KCND2: variants seen among roughly 807,000 people sequenced by gnomAD.
KCND2 encodes A-type voltage-gated potassium channel KCND2.
A neutral mutation model predicts 54.4 loss-of-function variants in KCND2; 16 were observed. The observed-to-expected ratio is 0.29, with a 90% CI of 0.20 to 0.45. KCND2 has a LOEUF of 0.45. Ranked by LOEUF, KCND2 falls within the 20% of genes least tolerant of loss-of-function variation. KCND2 has a pLI of 1.00. For missense variants in KCND2, 486 were observed against 824.2 expected (o/e 0.59, Z 5.02); for synonymous variants, 317 against 310.7 (o/e 1.02, Z -0.21).
chr7:120,449,058 G>A (rs1018137626), intron 1 of KCND2, among the ~76,000 whole-genome samples: 2 of 152,016 alleles, frequency 1.3e-5, no homozygotes, highest in South Asian at 2.1e-4. Flanking sequence ...AGCCAGGCGC[G>A]GTGGCTCATG....
chr7:120,324,798 C>T (rs1446625370), intron 1 of KCND2, among the ~76,000 whole-genome samples: 1 of 151,562 alleles, frequency 6.6e-6, no homozygotes, highest in African/African-American at 2.4e-5. Context: ...TTTTTGGTTC[C>T]ATATGAACTT....
At chr7:120,363,529 T>C (rs1800625550) in intron 1 of KCND2, among the ~76,000 whole-genome samples, 1 of 152,098 alleles carries the variant, frequency 6.6e-6, no homozygotes, top group African/African-American at 2.4e-5. Context: ...TCAAATGATG[T>C]ATCCAGAGAG....
At chr7:120,468,990 A>G (rs112872145) in intron 1 of KCND2, among the ~76,000 whole-genome samples, 114 of 150,794 alleles carry the variant, frequency 7.6e-4, no homozygotes, top group African/African-American at 2.7e-3. Flanking sequence ...CAGATTCTGG[A>G]AAGATCTTTG....
At chr7:120,393,560 C>T (rs1245246983) in intron 1 of KCND2, among the ~76,000 whole-genome samples, 1 of 151,914 alleles carries the variant, frequency 6.6e-6, no homozygotes, top group African/African-American at 2.4e-5. Flanking sequence ...ATTGTATACC[C>T]ATGTATCCTT....
At chr7:120,610,186 A>G (rs750071625) in intron 1 of KCND2, among the ~76,000 whole-genome samples, 4 of 152,140 alleles carry the variant, frequency 2.6e-5, no homozygotes, top group Non-Finnish European at 5.9e-5. Flanking sequence ...TACAGGAAAG[A>G]TGATGAAAGC....
At chr7:120,465,559 G>A (rs12333654) in intron 1 of KCND2, among the ~76,000 whole-genome samples, 9,325 of 152,102 alleles carry the variant, frequency 0.061, 876 homozygotes, top group African/African-American at 0.21. Flanking sequence ...GAAGAAAGTG[G>A]CAAACGCAAG....
intron 1 of KCND2, among the ~76,000 whole-genome samples, chr7:120,581,474 T>C (rs1481488800): frequency 6.6e-6 from 1 of 152,228 alleles, no homozygotes; most frequent in African/African-American, 2.4e-5. Flanking sequence ...TTCTGAAGAA[T>C]GGATATAAAT....
At chr7:120,622,559 C>T (rs963210983) in intron 1 of KCND2, among the ~76,000 whole-genome samples, 6 of 151,526 alleles carry the variant, frequency 4.0e-5, no homozygotes, top group South Asian at 2.1e-4. Flanking sequence ...TAAAATATAC[C>T]GCAACTCCAC....
intron 1 of KCND2, among the ~76,000 whole-genome samples, chr7:120,357,226 A>G (rs756315970): frequency 2.0e-5 from 3 of 152,168 alleles, no homozygotes; most frequent in Non-Finnish European, 4.4e-5. Context: ...CTCTAATAAT[A>G]TTGAAAAGTA....
chr7:120,715,159 G>T (rs1471167624), intron 1 of KCND2, among the ~76,000 whole-genome samples: 4 of 151,886 alleles, frequency 2.6e-5, no homozygotes, highest in Non-Finnish European at 4.4e-5. Context: ...ACATCTTTCT[G>T]CTTGCACATG....
chr7:120,654,403 G>A (rs1183204263), intron 1 of KCND2, among the ~76,000 whole-genome samples: 2 of 152,128 alleles, frequency 1.3e-5, no homozygotes, highest in African/African-American at 2.4e-5. Context: ...AATTTATATG[G>A]AAAGTCATTC....
chr7:120,462,808 A>G (rs1011083441), intron 1 of KCND2, among the ~76,000 whole-genome samples: 15 of 152,146 alleles, frequency 9.9e-5, no homozygotes, highest in Middle Eastern at 3.4e-3. Context: ...CTTTACAAAT[A>G]AGAACCATAA....
At chr7:120,338,733 G>A (rs1160547352) in intron 1 of KCND2, among the ~76,000 whole-genome samples, 1 of 152,006 alleles carries the variant, frequency 6.6e-6, no homozygotes, top group African/African-American at 2.4e-5. Context: ...TTGTATAATT[G>A]TTTTAAATTG....
chr7:120,717,902 G>C (rs1316525549), intron 1 of KCND2, among the ~76,000 whole-genome samples: 1 of 152,054 alleles, frequency 6.6e-6, no homozygotes. Context: ...GTCACTAACA[G>C]CAAGAACTGC....
At chr7:120,300,298 A>G (rs1584719463) in intron 1 of KCND2, among the ~76,000 whole-genome samples, 1 of 152,148 alleles carries the variant, frequency 6.6e-6, no homozygotes, top group African/African-American at 2.4e-5. Context: ...GTTCAGGGGA[A>G]GTCAAAACCC....
At chr7:120,729,459 C>T (rs1190121042) in intron 1 of KCND2, among the ~76,000 whole-genome samples, 2 of 152,176 alleles carry the variant, frequency 1.3e-5, no homozygotes, top group Non-Finnish European at 2.9e-5. Context: ...GCTGGTGTTC[C>T]ATGGGAACCA....
intron 1 of KCND2, among the ~76,000 whole-genome samples, chr7:120,666,130 C>G (rs752880807): frequency 1.3e-5 from 2 of 151,940 alleles, no homozygotes; most frequent in African/African-American, 2.4e-5. Context: ...CATGCCTGTC[C>G]AGCATTATAT....
chr7:120,731,459 G>A (rs1792805431), intron 1 of KCND2, among the ~76,000 whole-genome samples: 1 of 152,186 alleles, frequency 6.6e-6, no homozygotes, highest in South Asian at 2.1e-4. Flanking sequence ...CAGAAGGCCA[G>A]ATGGCCAGTG....
chr7:120,743,075 A>G (rs1328457982), intron 4 of KCND2, among the ~76,000 whole-genome samples: 1 of 152,214 alleles, frequency 6.6e-6, no homozygotes. Flanking sequence ...GAGATAGATA[A>G]TAGAAACTAT....
Sources: allele counts gnomAD v4.1 joint callset (sites outside exome capture counted in the v4.1 genomes callset), GRCh38; gene constraint gnomAD v4.1.1; transcripts MANE v1.5; gene names NCBI Gene and HGNC (gene_info 2026-07-23, HGNC 2026-07-21).